CFAP69: variants seen among roughly 807,000 people sequenced by gnomAD.
The protein encoded by CFAP69 is cilia- and flagella-associated protein 69.
In CFAP69, 92 loss-of-function variants were observed where a neutral mutation model predicts 123.0. The observed-to-expected ratio is 0.75, with a 90% CI of 0.63 to 0.89. The LOEUF is 0.89. Among genes scored for constraint, CFAP69 ranks in the 40% least tolerant of loss-of-function variants. CFAP69 has a pLI of 0.00. For missense variants in CFAP69, 1,067 were observed against 1,096.9 expected, an observed-to-expected ratio of 0.97 and a Z score of 0.39; for synonymous variants, 380 against 364.3, an observed-to-expected ratio of 1.04 and a Z score of -0.49.
At chr7:90,283,888 A>G (rs1789857352) in intron 13 of CFAP69, among the ~76,000 whole-genome samples, 1 of 151,790 alleles carries the variant, frequency 6.6e-6, no homozygotes, top group Non-Finnish European at 1.5e-5. Context: ...GTGCTCTCCA[A>G]TAATAATAAT....
downstream of CFAP69, among the ~76,000 whole-genome samples, chr7:90,315,394 C>G (rs1584589334): frequency 1.3e-5 from 2 of 152,122 alleles, no homozygotes; most frequent in African/African-American, 4.8e-5. Flanking sequence ...AAAATGTGGT[C>G]CATATACACC....
intron 9 of CFAP69, among the ~76,000 whole-genome samples, chr7:90,274,808 A>G (rs1788347873): frequency 6.6e-6 from 1 of 151,994 alleles, no homozygotes; most frequent in African/African-American, 2.4e-5. Flanking sequence ...TCTCCTTTGT[A>G]TTTGTTCTGC....
At chr7:90,265,543 T>C (rs1041517191) in intron 5 of CFAP69, among the ~76,000 whole-genome samples, 166 bp downstream of exon 5, 5 of 152,206 alleles carry the variant, frequency 3.3e-5, no homozygotes, top group African/African-American at 1.2e-4. Context: ...AATTCTGGTA[T>C]TGTATTCTGT....
intron 15 of CFAP69, among the ~76,000 whole-genome samples, chr7:90,294,705 G>C (rs17863978): frequency 0.26 from 39,527 of 152,000 alleles, 5,922 homozygotes; most frequent in East Asian, 0.67. Context: ...CAGGCTTACA[G>C]GTGTCCTAAC....
intron 21 of CFAP69, among the ~76,000 whole-genome samples, chr7:90,308,201 G>A (rs1793882894): frequency 6.6e-6 from 1 of 152,084 alleles, no homozygotes; most frequent in Non-Finnish European, 1.5e-5. Flanking sequence ...CAAAGTAAAG[G>A]ACACAAAGAG....
intron 9 of CFAP69, among the ~76,000 whole-genome samples, chr7:90,275,275 A>G (rs1788414587): frequency 6.6e-6 from 1 of 152,088 alleles, no homozygotes; most frequent in African/African-American, 2.4e-5. Context: ...TAATAACTAC[A>G]TATTTAACTT....
chr7:90,306,310 A>G (rs1028488668), intron 19 of CFAP69, among the ~76,000 whole-genome samples: 3 of 151,928 alleles, frequency 2.0e-5, no homozygotes, highest in African/African-American at 7.3e-5. Context: ...TTTTTTCTCT[A>G]ATTCTAAATA....
At chr7:90,290,773 T>G (rs1374563752) in intron 15 of CFAP69, among the ~76,000 whole-genome samples, 42 of 115,622 alleles carry the variant, frequency 3.6e-4, no homozygotes, top group African/African-American at 1.5e-3. Flanking sequence ...TTCTTTTCTT[T>G]TCTTTTCTTT....
At chr7:90,249,463 A>G (rs1796708572) in intron 1 of CFAP69, among the ~76,000 whole-genome samples, 1 of 152,170 alleles carries the variant, frequency 6.6e-6, no homozygotes, top group Non-Finnish European at 1.5e-5. Context: ...AAATAGGAAG[A>G]TAGTTCTCAG....
chr7:90,305,010 T>C (rs1793363420), intron 19 of CFAP69, among the ~76,000 whole-genome samples, 190 bp downstream of exon 19: 1 of 152,154 alleles, frequency 6.6e-6, no homozygotes, highest in African/African-American at 2.4e-5. Flanking sequence ...TTTCATGGGA[T>C]AAGATTTCAT....
intron 16 of CFAP69, among the ~76,000 whole-genome samples, 154 bp downstream of exon 16, chr7:90,297,984 C>A (rs1394370387): frequency 1.3e-5 from 2 of 152,188 alleles, no homozygotes; most frequent in African/African-American, 4.8e-5. Context: ...CCTAGAAATT[C>A]ATAATACACA....
intron 4 of CFAP69, among the ~76,000 whole-genome samples, chr7:90,263,937 A>G (rs779124910): frequency 4.7e-4 from 71 of 151,450 alleles, no homozygotes; most frequent in Non-Finnish European, 8.4e-4. Context: ...AAAAATGCAA[A>G]AAAAATAGCT....
downstream of CFAP69, among the ~76,000 whole-genome samples, chr7:90,313,680 T>C (rs187804929): frequency 4.7e-4 from 71 of 149,618 alleles, no homozygotes; most frequent in African/African-American, 1.7e-3. Flanking sequence ...CATAAATCCA[T>C]ACTGATATAA....
At chr7:90,250,553 T>A (rs903777966) in intron 1 of CFAP69, among the ~76,000 whole-genome samples, 2 of 152,204 alleles carry the variant, frequency 1.3e-5, no homozygotes, top group African/African-American at 4.8e-5. Flanking sequence ...AATAAGTTCA[T>A]CCTATAATTT....
chr7:90,252,997 T>C (rs1231704345), intron 1 of CFAP69, among the ~76,000 whole-genome samples: 1 of 152,224 alleles, frequency 6.6e-6, no homozygotes, highest in African/African-American at 2.4e-5. Flanking sequence ...AAAATACTTA[T>C]GCATGTAAGG....
chr7:90,295,923 G>T (rs1238485742), intron 15 of CFAP69, among the ~76,000 whole-genome samples: 3 of 152,178 alleles, frequency 2.0e-5, no homozygotes, highest in Non-Finnish European at 4.4e-5. Context: ...GTAGCAGTGA[G>T]GATGACCGGA....
intron 15 of CFAP69, among the ~76,000 whole-genome samples, chr7:90,297,146 A>G (rs1792106884): frequency 6.6e-6 from 1 of 152,234 alleles, no homozygotes; most frequent in Admixed American, 6.5e-5. Context: ...ATGTGATGCT[A>G]TACCAGAGTC....
At chr7:90,311,525 C>T (rs1794328633), downstream of CFAP69, among the ~76,000 whole-genome samples, 1 of 152,152 alleles carries the variant, frequency 6.6e-6, no homozygotes, top group African/African-American at 2.4e-5. Flanking sequence ...GTTGGGAAAA[C>T]ATAGATAGGT....
At chr7:90,319,677 A>G in the CFAP69 span, 2 of 398,614 alleles carry the variant, frequency 5.0e-6, no homozygotes, top group Non-Finnish European at 8.8e-6. Flanking sequence ...ACTCAAAGTC[A>G]GCATTAACCA....
Sources: allele counts gnomAD v4.1 joint callset (sites outside exome capture counted in the v4.1 genomes callset), GRCh38; gene constraint gnomAD v4.1.1; transcripts MANE v1.5; gene names NCBI Gene and HGNC (gene_info 2026-07-23, HGNC 2026-07-21).